Variants in GSS observed in about 807,000 individuals in gnomAD.
The protein encoded by GSS is GSH synthetase.
GSS carries 34 observed loss-of-function variants against 60.4 expected under a neutral mutation model. That is an observed-to-expected ratio of 0.56 (90% CI 0.43 to 0.75). The LOEUF (loss-of-function observed/expected upper bound fraction) is 0.75, where lower values mean the gene tolerates loss of function less well. Ranked by LOEUF, GSS falls within the 30% of genes least tolerant of loss-of-function variation. The pLI, the probability that GSS is intolerant of heterozygous loss-of-function variation, is 0.00. For missense variants in GSS, 499 were observed against 595.1 expected, an observed-to-expected ratio of 0.84 and a Z score of 1.68; for synonymous variants, 224 against 239.0, an observed-to-expected ratio of 0.94 and a Z score of 0.58.
chr20:34,929,167 G>A (rs911964854), intron 12 of GSS: 6 of 701,162 alleles, frequency 8.6e-6, no homozygotes, highest in South Asian at 3.4e-5. Flanking sequence ...TTTCCTTCAC[G>A]GTTGCAAAGG....
At chr20:34,937,063 C>G (rs528881109) in intron 6 of GSS, 40 bp from the exon 7 acceptor site, 1 of 1,470,474 alleles carries the variant, frequency 6.8e-7, no homozygotes, top group African/African-American at 1.4e-5. Flanking sequence ...TACTATAGAA[C>G]TTGTTCTTCT....
At chr20:34,950,053 T>G (rs1031206055) in intron 2 of GSS, 1 of 65,514 alleles carries the variant, frequency 1.5e-5, no homozygotes, top group African/African-American at 7.1e-5. Context: ...ACACGTACAC[T>G]TTCTGACTTT....
chr20:34,942,655 A>G, intron 4 of GSS, 28 bp from the exon 5 acceptor site: 1 of 1,611,284 alleles, frequency 6.2e-7, no homozygotes, highest in Non-Finnish European at 8.5e-7. Flanking sequence ...GGCTGACAGT[A>G]CCTGCCCAGG....
In GSS at chr20:34,928,891, G is replaced by A. The variant is rs911134339; in HGVS notation, c.1362C>T (p.Ile454=). The change falls in exon 13 of 13, where the codon ATC becomes ATT. Residue 454 remains isoleucine, a synonymous_variant. Transcript: ENST00000651619. ...CTGCCACACCACCATCTGCATGCTC[G>A]ATGGCTTTGGTTCGAAGTAGATGCC... ...HVGHLLRTKA[I]EHADGGVAAG... The A allele has an allele frequency of 6.2e-6, 10 of 1,613,810 alleles. No individual in the cohort carries two copies. Among genetic ancestry groups the A allele is most frequent in the African/African-American group, 4.0e-5 (3 of 74,874 alleles).
chr20:34,929,086 C>A, intron 12 of GSS, 135 bp from the exon 13 acceptor site: 1 of 1,038,946 alleles, frequency 9.6e-7, no homozygotes, highest in Non-Finnish European at 1.5e-6. Flanking sequence ...GTCTCTATGC[C>A]TCTCTGGAGT....
intron 6 of GSS, among the ~76,000 whole-genome samples, chr20:34,939,332 C>T (rs1248285435): frequency 6.6e-6 from 1 of 152,174 alleles, no homozygotes; most frequent in Non-Finnish European, 1.5e-5. Context: ...TCATTCTAAC[C>T]ACAGGCCCTA....
intron 2 of GSS, among the ~76,000 whole-genome samples, chr20:34,948,754 A>AG (rs533470408): frequency 8.4e-4 from 127 of 151,660 alleles, no homozygotes; most frequent in South Asian, 2.1e-3. Context: ...ACTGCACTCC[A>AG]GCCTGGCGAC....
chr20:34,949,407 C>T (rs2081548775), intron 2 of GSS: 1 of 150,450 alleles, frequency 6.6e-6, no homozygotes, highest in Admixed American at 6.6e-5. Flanking sequence ...TGCATTTCAG[C>T]TGCATTCTCT....
At chr20:34,931,258 G>C in intron 11 of GSS, 78 bp downstream of exon 11, 2 of 1,124,484 alleles carry the variant, frequency 1.8e-6, no homozygotes, top group Non-Finnish European at 2.7e-6. Context: ...ACTGTGCCCA[G>C]AGTAAGTGCC....
intron 9 of GSS, among the ~76,000 whole-genome samples, chr20:34,935,221 C>T (rs1016542255): frequency 2.6e-5 from 4 of 152,206 alleles, no homozygotes; most frequent in Non-Finnish European, 1.5e-5. Context: ...CTTTCTGATT[C>T]AGATAAAGGA....
chr20:34,943,349 G>A (rs915733233), intron 3 of GSS, among the ~76,000 whole-genome samples: 5 of 152,146 alleles, frequency 3.3e-5, no homozygotes, highest in Admixed American at 6.6e-5. Flanking sequence ...ATACTGCACC[G>A]AAGAAGAGCT....
At chr20:34,934,942 T>C (rs573255514) in intron 9 of GSS, among the ~76,000 whole-genome samples, 2 of 152,300 alleles carry the variant, frequency 1.3e-5, no homozygotes, top group South Asian at 4.1e-4. Flanking sequence ...CTCTCCATGA[T>C]GTGGATGTTA....
chr20:34,953,887 G>A (rs544847458), intron 1 of GSS, among the ~76,000 whole-genome samples: 2 of 152,312 alleles, frequency 1.3e-5, no homozygotes, highest in African/African-American at 2.4e-5. Context: ...GATTACAGGC[G>A]TGAGCCACCC....
At chr20:34,953,436 T>C (rs1482098511) in intron 1 of GSS, among the ~76,000 whole-genome samples, 3 of 152,138 alleles carry the variant, frequency 2.0e-5, no homozygotes, top group Non-Finnish European at 4.4e-5. Flanking sequence ...AGGGCAATCA[T>C]AGTAAAGAAC....
chr20:34,933,516 T>C (rs1569010306), intron 9 of GSS: 1 of 153,654 alleles, frequency 6.5e-6, no homozygotes, highest in African/African-American at 2.4e-5. Flanking sequence ...GTTCCCATTC[T>C]CATGCAATGG....
intron 6 of GSS, among the ~76,000 whole-genome samples, chr20:34,938,477 A>C (rs1320616562): frequency 1.3e-5 from 2 of 152,146 alleles, no homozygotes; most frequent in Non-Finnish European, 2.9e-5. Context: ...AGACAAACTA[A>C]AAGTGGTGCT....
At chr20:34,932,683 T>C (rs1369025339) in intron 9 of GSS, among the ~76,000 whole-genome samples, 1 of 152,212 alleles carries the variant, frequency 6.6e-6, no homozygotes, top group Non-Finnish European at 1.5e-5. Flanking sequence ...AGAGAAGGCT[T>C]CCCTGTCCAC....
At chr20:34,949,244 A>AGGGAGT in intron 2 of GSS, among the ~76,000 whole-genome samples, 1 of 152,204 alleles carries the variant, frequency 6.6e-6, no homozygotes, top group Non-Finnish European at 1.5e-5. Flanking sequence ...CTCCCCAAAC[A>AGGGAGT]CTGCAGGAGC....
At chr20:34,931,307 AG>A in intron 11 of GSS, 28 bp downstream of exon 11, 1 of 1,549,676 alleles carries the variant, frequency 6.5e-7, no homozygotes, top group Non-Finnish European at 8.9e-7. Flanking sequence ...CCTCTCATTG[AG>A]GAGCCCTGCA....
Sources: allele counts gnomAD v4.1 joint callset (sites outside exome capture counted in the v4.1 genomes callset), GRCh38; gene constraint gnomAD v4.1.1; transcripts MANE v1.5; gene names NCBI Gene and HGNC (gene_info 2026-07-23, HGNC 2026-07-21).